The following PCSK4 variants were observed in gnomAD, a reference collection of about 807,000 sequenced individuals.
PCSK4 encodes the protein testicular tissue protein Li 135.
PCSK4 carries 64 observed loss-of-function variants against 80.3 expected under a neutral mutation model. The observed-to-expected ratio is 0.80, with a 90% confidence interval of 0.65 to 0.98. The LOEUF (loss-of-function observed/expected upper bound fraction) is 0.98. PCSK4 is among the 50% of genes least tolerant of loss of function. PCSK4 has a pLI of 0.00. For missense variants in PCSK4, 1,213 were observed against 1,093.6 expected (o/e 1.11, Z -1.54); for synonymous variants, 561 against 487.6 (o/e 1.15, Z -1.98).
chr19:1,489,930 G>T (rs891022540), intron 1 of PCSK4, 33 bp from the exon 2 acceptor site: 2 of 1,575,170 alleles, frequency 1.3e-6, no homozygotes, highest in Admixed American at 1.8e-5. Flanking sequence ...GCACCGATGG[G>T]ACCCGGCTCC....
Position 1,487,133 on chromosome 19 carries a change from C to T in PCSK4, c.855+8G>A. 6.2e-7 allele frequency: 1 copy of T among 1,603,570 alleles called. No individual in the cohort carries two copies. The highest frequency in any genetic ancestry group is 8.5e-7 in the Non-Finnish European group (1 of 1,177,524). On this transcript the variant is annotated splice_region_variant and intron_variant, in intron 7 of 14. Transcript: ENST00000300954. ...TGCCACCCCTGCCCTCCTCGGGCTG[C>T]CACTCACCTTGGTCACACCACGCCG... is the stretch of plus-strand genomic sequence containing the variant.
exon 13 of PCSK4, chr19:1,482,917 T>C: frequency 6.2e-7 from 1 of 1,613,044 alleles, no homozygotes; most frequent in East Asian, 2.2e-5. Context: ...TAGTAGCCCT[T>C]GTTCTCTAGG....
At chr19:1,487,423 C>T (rs2145409907) in intron 6 of PCSK4, 110 bp from the exon 7 acceptor site, 1 of 1,060,418 alleles carries the variant, frequency 9.4e-7, no homozygotes, top group Admixed American at 2.3e-5. Flanking sequence ...GGCCCTCTCT[C>T]TGCTCCCTGG....
chr19:1,487,006 G>A (rs776152533), exon 8 of PCSK4: 199 of 1,609,370 alleles, frequency 1.2e-4, no homozygotes, highest in Non-Finnish European at 1.6e-4. Flanking sequence ...TGCAGTTGTC[G>A]TAGTGCAGGC....
Position 1,483,479 on chromosome 19 carries a change from G to T in PCSK4, c.1392-16C>A. ...CAGGATGGGGCTGAGGGGGTCGAGG[G>T]GTGAGGACCCTCCTGCGGCCTGCTG... On this transcript the variant is annotated splice_polypyrimidine_tract_variant and intron_variant, in intron 11 of 14. Coordinates refer to ENST00000300954, the Ensembl canonical transcript of PCSK4. 1.3e-6 allele frequency: 2 copies of T among 1,562,090 alleles called. No individual in the cohort carries two copies. Among genetic ancestry groups the T allele is most frequent in the Non-Finnish European group, 1.7e-6 (2 of 1,153,454 alleles).
Position 1,484,007 on chromosome 19 carries a change from C to A in PCSK4, c.1169+20G>T. On this transcript the variant is annotated intron_variant, in intron 9 of 14. Transcript: ENST00000300954. The stretch of plus-strand genomic sequence containing the variant: ...GCGCCTGGGGGCGAGGGCGGTGGAC[C>A]GGGCCCCGCAGTCACCTACTTGGCC... The A allele has an allele frequency of 1.3e-6, 2 of 1,517,470 alleles. No individual in the cohort carries two copies. The highest frequency in any genetic ancestry group is 1.8e-6 in the Non-Finnish European group (2 of 1,133,316). The allele number at this position is 1,517,470 out of a possible 1,614,324, so 94.0% of individuals were successfully genotyped here.
chr19:1,482,952 T>C (rs1255259970), exon 13 of PCSK4: 1 of 1,597,710 alleles, frequency 6.3e-7, no homozygotes, highest in Non-Finnish European at 8.5e-7. Context: ...GCCCTGTGGG[T>C]TCTCATCCCA....
At chr19:1,481,897 C>T in exon 15 of PCSK4, 1 of 1,595,320 alleles carries the variant, frequency 6.3e-7, no homozygotes, top group Non-Finnish European at 8.5e-7. Flanking sequence ...GGCTCAGCAC[C>T]ATGGCCGAGG....
chr19:1,483,345 C>T (rs766986239), exon 12 of PCSK4: 1 of 1,610,156 alleles, frequency 6.2e-7, no homozygotes, highest in Non-Finnish European at 8.5e-7. Flanking sequence ...TCCAGGTCTC[C>T]GCGCCGGCTG....
At position 1,482,899 on chromosome 19, in the gene PCSK4, T is replaced by C. The variant is rs1256626659; in HGVS notation, c.1693A>G (p.Thr565Ala). 5.3e-6 allele frequency: 5 copies of C among 950,432 alleles called. No homozygotes were observed. In the African/African-American group the frequency reaches 8.8e-5, roughly 17 times the overall value. The allele number at this position is 950,432 out of a possible 1,614,324, so 58.9% of individuals were successfully genotyped here. A position where few individuals can be genotyped will look rare whatever the true frequency, so the allele number is the denominator to read the frequency against. The change falls in exon 13 of 15, where the codon ACG becomes GCG. Residue 565 changes from threonine to alanine, a missense_variant. Physicochemically the swap from Thr to Ala is moderately conservative, Grantham distance 58. Transcript: ENST00000300954. ...CACAGCCCCGCCCCGCCCTCACCCGTGTTGAAATAGTAGCCCTTGTTCTCT... is the reference window on the plus strand; with the variant it reads ...CACAGCCCCGCCCCGCCCTCACCCGCGTTGAAATAGTAGCCCTTGTTCTCT...
exon 5 of PCSK4, chr19:1,487,788 T>C (rs1466009035): frequency 6.3e-7 from 1 of 1,576,830 alleles, no homozygotes; most frequent in East Asian, 2.3e-5. Flanking sequence ...TGCTCACCGG[T>C]TCTCTTTGCT....
At chr19:1,486,790 G>A (rs115270368) in intron 8 of PCSK4, 63 bp downstream of exon 8, 3 of 1,369,230 alleles carry the variant, frequency 2.2e-6, no homozygotes, top group Non-Finnish European at 3.0e-6. Flanking sequence ...GTGGGGACAG[G>A]AGGAGGCCAG....
At chr19:1,487,035 A>G (rs1296629606) in exon 8 of PCSK4, 1 of 1,607,636 alleles carries the variant, frequency 6.2e-7, no homozygotes, top group Non-Finnish European at 8.5e-7. Flanking sequence ...CCCGAGGCCC[A>G]GATGAAGAGC....
chr19:1,482,842 G>A, intron 13 of PCSK4, 54 bp downstream of exon 13: 2 of 1,586,362 alleles, frequency 1.3e-6, no homozygotes, highest in Non-Finnish European at 1.7e-6. Flanking sequence ...CAGAGCCCCT[G>A]GGGGGAGGTT....
Position 1,482,340 on chromosome 19 carries a change from C to G in PCSK4, c.1819+13G>C. The G allele has an allele frequency of 6.5e-7, 1 of 1,538,242 alleles. No homozygotes were observed. Among genetic ancestry groups the G allele is most frequent in the Non-Finnish European group, 8.7e-7 (1 of 1,146,766 alleles). The stretch of plus-strand genomic sequence containing the variant: ...CGCCTCCCAGCAGTGGGCCCTGCCC[C>G]GCCGGCACTCACCCTGGCACAGCCC... On this transcript the variant is annotated intron_variant, in intron 14 of 14. Transcript: ENST00000300954.
upstream of PCSK4, chr19:1,490,598 C>A: frequency 2.2e-6 from 1 of 451,348 alleles, no homozygotes. Context: ...AACGACAAGA[C>A]TAACCCAGAG....
At chr19:1,487,057 G>T (rs201802941) in exon 8 of PCSK4, 9 of 1,605,454 alleles carry the variant, frequency 5.6e-6, no homozygotes, top group Non-Finnish European at 6.8e-6. Flanking sequence ...TGCCCAGCCC[G>T]CCGCGGCCCT....
At chr19:1,484,242 C>T in intron 8 of PCSK4, 115 bp from the exon 9 acceptor site, 5 of 612,612 alleles carry the variant, frequency 8.2e-6, no homozygotes, top group East Asian at 6.2e-5. Flanking sequence ...CATCCCAGCA[C>T]TTTGGGAGGC....
intron 12 of PCSK4, 125 bp downstream of exon 12, chr19:1,483,158 TC>T: frequency 8.0e-7 from 1 of 1,252,044 alleles, no homozygotes; most frequent in Non-Finnish European, 1.1e-6. Flanking sequence ...TGACTCGGGG[TC>T]CCACCAACTA....
Sources: allele counts gnomAD v4.1 joint callset, GRCh38; gene constraint gnomAD v4.1.1; transcripts MANE v1.5; gene names NCBI Gene and HGNC (gene_info 2026-07-23, HGNC 2026-07-21).